HDAC4: variants seen among roughly 807,000 people sequenced by gnomAD.
HDAC4 encodes histone deacetylase A.
Under a neutral mutation model 135.1 loss-of-function variants are expected in HDAC4, and 16 were observed. The observed-to-expected ratio is 0.12, with a 90% CI of 0.08 to 0.18. The LOEUF (loss-of-function observed/expected upper bound fraction) is 0.18. Ranked by LOEUF, HDAC4 falls within the 10% of genes least tolerant of loss-of-function variation. HDAC4 has a pLI of 1.00. For synonymous variants in HDAC4, 685 were observed against 653.4 expected, an observed-to-expected ratio of 1.05 and a Z score of -0.74; for missense variants, 1,143 against 1,511.8, an observed-to-expected ratio of 0.76 and a Z score of 4.05.
chr2:239,258,439 A>G (rs1211333285), intron 2 of HDAC4, among the ~76,000 whole-genome samples: 1 of 152,238 alleles, frequency 6.6e-6, no homozygotes, highest in African/African-American at 2.4e-5. Flanking sequence ...TACAAAGAAC[A>G]GCAGTTAGGA....
intron 12 of HDAC4, among the ~76,000 whole-genome samples, chr2:239,117,565 CAA>C (rs34154007): frequency 5.7e-4 from 66 of 116,282 alleles, no homozygotes; most frequent in African/African-American, 2.1e-3. Flanking sequence ...CGGGAAGTGG[CAA>C]AAAAAAAAAA....
rs1030256869 is a variant in HDAC4 at position 239,298,335 on chromosome 2, G to C, written c.22+54343C>G. On this transcript the variant is annotated intron_variant, in intron 2 of 26. Transcript: ENST00000543185. The stretch of plus-strand genomic sequence containing the variant: ...GCCCCTGGGCATCACGTGGAGATGA[G>C]AGAAGATGCTTCCAGAACCTGACAC... 6 of 1,215,292 alleles carry C rather than the reference G, an allele frequency of 4.9e-6. No homozygotes were observed. The African/African-American group carries it at 7.9e-5, about 16-fold the overall frequency. The allele number at this position is 1,215,292 out of a possible 1,614,324, so 75.3% of individuals were successfully genotyped here.
At chr2:239,083,022 C>T (rs2035506350) in intron 20 of HDAC4, among the ~76,000 whole-genome samples, 1 of 152,380 alleles carries the variant, frequency 6.6e-6, no homozygotes. Flanking sequence ...GGCGGAAGGG[C>T]AGCTACAGGT....
At chr2:239,155,898 T>C (rs1359120370) in intron 7 of HDAC4, among the ~76,000 whole-genome samples, 1 of 152,114 alleles carries the variant, frequency 6.6e-6, no homozygotes, top group African/African-American at 2.4e-5. Flanking sequence ...CCCTCACCAA[T>C]TCTCTGGGCA....
At position 239,194,427 on chromosome 2, in the gene HDAC4, T is replaced by A. The variant is rs114188377; in HGVS notation, c.95-4350A>T. Among the ~76,000 whole-genome samples, 1,224 of 152,344 alleles carry A rather than the reference T, an allele frequency of 8.0e-3. 24 individuals are homozygous for A. The highest frequency in any genetic ancestry group is 0.028 in the African/African-American group (1,169 of 41,586). ...ACACGGAACATGCTGAGCGCCACGC[T>A]GCTGCCGGGGAATTCTCTTCTGAAG... On this transcript the variant is annotated intron_variant, in intron 3 of 26. Coordinates refer to ENST00000543185, the MANE Select transcript of HDAC4 (RefSeq NM_001378414.1).
rs1361310525 is a variant in HDAC4 at position 239,093,918 on chromosome 2, T to A, written c.2280+1092A>T. On this transcript the variant is annotated intron_variant, in intron 17 of 26. Coordinates refer to ENST00000543185, the MANE Select transcript of HDAC4 (RefSeq NM_001378414.1). Reference sequence around the variant, plus strand: ...TTTACAATACAAAATAAAATAACTCTAGGAGGGCTTGGTGGTGGTATGAAT... The same window carrying A: ...TTTACAATACAAAATAAAATAACTCAAGGAGGGCTTGGTGGTGGTATGAAT... 37 of 982,498 alleles carry A rather than the reference T, an allele frequency of 3.8e-5. 1 individual carries two copies. Among genetic ancestry groups the A allele is most frequent in the Non-Finnish European group, 4.4e-5 (36 of 827,240 alleles). The allele number at this position is 982,498 out of a possible 1,614,324, so 60.9% of individuals were successfully genotyped here.
intron 2 of HDAC4, among the ~76,000 whole-genome samples, chr2:239,345,819 T>C (rs1283369802): frequency 1.6e-5 from 2 of 127,966 alleles, no homozygotes; most frequent in African/African-American, 6.1e-5. Flanking sequence ...ACACATCGTC[T>C]AAAATACACA....
In HDAC4 at chr2:239,307,685, C is replaced by T. The variant is rs189804360; in HGVS notation, c.22+44993G>A. 2.0e-5 allele frequency among the ~76,000 whole-genome samples: 3 copies of T among 152,288 alleles called. No individual in the cohort carries two copies. The highest frequency in any genetic ancestry group is 1.9e-4 in the East Asian group (1 of 5,174). On this transcript the variant is annotated intron_variant, in intron 2 of 26. Transcript: ENST00000543185. This position sits in a 1 kb window ranked among gnomAD's most constrained non-coding sequence, Gnocchi z 4.8. ...AGAGAAGCCCTCCTCACTCAGATGA[C>T]GTTCTCATGACCGCACTTGGTCTAA...
intron 3 of HDAC4, among the ~76,000 whole-genome samples, chr2:239,228,858 A>G (rs1237347237): frequency 6.6e-6 from 1 of 152,108 alleles, no homozygotes; most frequent in Non-Finnish European, 1.5e-5. Context: ...TAAAGTAACA[A>G]GGGCTGGGCA....
intron 15 of HDAC4, among the ~76,000 whole-genome samples, chr2:239,104,463 C>A (rs1372786290): frequency 6.6e-6 from 1 of 152,194 alleles, no homozygotes; most frequent in Non-Finnish European, 1.5e-5. Context: ...CTCCTGACCT[C>A]ATGTGATCCA....
At chr2:239,275,823 C>T (rs1417248314) in intron 2 of HDAC4, among the ~76,000 whole-genome samples, 2 of 152,150 alleles carry the variant, frequency 1.3e-5, no homozygotes, top group African/African-American at 4.8e-5. Context: ...GGGGAAGACA[C>T]CCAGGGGAGC....
At chr2:239,260,178 G>A (rs1006565265) in intron 2 of HDAC4, among the ~76,000 whole-genome samples, 1 of 152,198 alleles carries the variant, frequency 6.6e-6, no homozygotes, top group African/African-American at 2.4e-5. Context: ...TGCGGACCGC[G>A]TGTCCAGACT....
intron 2 of HDAC4, among the ~76,000 whole-genome samples, chr2:239,246,152 C>T (rs1328357074): frequency 2.6e-5 from 4 of 152,182 alleles, no homozygotes; most frequent in Non-Finnish European, 5.9e-5. Flanking sequence ...AGGGACAAAA[C>T]GTGCAAACTG....
rs954197358 is a variant in HDAC4 at position 239,146,487 on chromosome 2, G to A, written c.734-1773C>T. 9.2e-5 allele frequency among the ~76,000 whole-genome samples: 14 copies of A among 152,056 alleles called. No homozygotes were observed. The highest frequency in any genetic ancestry group is 2.4e-4 in the African/African-American group (10 of 41,398). On this transcript the variant is annotated intron_variant, in intron 7 of 26. Transcript: ENST00000543185. This position sits in a 1 kb window ranked among gnomAD's most constrained non-coding sequence, Gnocchi z 4.5. ...AGTGGGACACGTGGCATCGGGAGGCGGGCATGACATGGTCACTCCAGGCTA... is the reference window on the plus strand; with the variant it reads ...AGTGGGACACGTGGCATCGGGAGGCAGGCATGACATGGTCACTCCAGGCTA...
At chr2:239,314,341 CAA>C (rs1422946757) in intron 2 of HDAC4, among the ~76,000 whole-genome samples, 1 of 152,190 alleles carries the variant, frequency 6.6e-6, no homozygotes, top group East Asian at 1.9e-4. Flanking sequence ...CTCGACAAAA[CAA>C]GAGAGGTCAT....
rs1364320040 is a variant in HDAC4, at chr2:239,285,658, C to T, written c.23-48994G>A. ...ACAGGCTCTTGTGCTGTGGAAACCC[C>T]AGGTTCTGCATAAGACATACCTTCT... On this transcript the variant is annotated intron_variant, in intron 2 of 26. Transcript: ENST00000543185. This position sits in a 1 kb window ranked among gnomAD's most constrained non-coding sequence, Gnocchi z 4.5. Among the ~76,000 whole-genome samples, 1 of 152,190 alleles carries T rather than the reference C, an allele frequency of 6.6e-6. No individual in the cohort carries two copies. The highest frequency in any genetic ancestry group is 1.5e-5 in the Non-Finnish European group (1 of 68,030).
At chr2:239,269,791 C>T (rs2049959663) in intron 2 of HDAC4, among the ~76,000 whole-genome samples, 1 of 152,192 alleles carries the variant, frequency 6.6e-6, no homozygotes, top group Non-Finnish European at 1.5e-5. Flanking sequence ...AGCAAATCTT[C>T]CAAGTTGCTC....
At chr2:239,366,652 TCAGA>T (rs2125988602) in intron 1 of HDAC4, among the ~76,000 whole-genome samples, 1 of 152,286 alleles carries the variant, frequency 6.6e-6, no homozygotes, top group South Asian at 2.1e-4. Context: ...AGAAAAAGAT[TCAGA>T]CAGACACACA....
intron 2 of HDAC4, among the ~76,000 whole-genome samples, chr2:239,302,969 A>G (rs1443755400): frequency 6.6e-6 from 1 of 152,118 alleles, no homozygotes; most frequent in Non-Finnish European, 1.5e-5. Flanking sequence ...CAGGGAGAGG[A>G]AAGGTGTGGG....
Sources: gnomAD v4.1 joint callset for allele counts (sites outside exome capture counted in the v4.1 genomes callset) on GRCh38, gnomAD v4.1.1 for gene constraint, Gnocchi (gnomAD v3.1) non-coding constraint, MANE v1.5 for transcripts, NCBI Gene and HGNC (gene_info 2026-07-23, HGNC 2026-07-21) for gene names.